The following ASCC3 variants were observed in gnomAD, a reference collection of about 807,000 sequenced individuals.
The protein encoded by ASCC3 is activating signal cointegrator 1 complex subunit 3, also known as ASC-1 complex subunit P200.
A neutral mutation model predicts 256.3 loss-of-function variants in ASCC3; 158 were observed. The observed-to-expected ratio is 0.62, with a 90% CI of 0.54 to 0.70. The LOEUF (loss-of-function observed/expected upper bound fraction) is 0.70. Ranked by LOEUF, ASCC3 falls within the 30% of genes least tolerant of loss-of-function variation. ASCC3 has a pLI of 0.00. For synonymous variants in ASCC3, 948 were observed against 883.4 expected (o/e 1.07, Z -1.30); for missense variants, 2,259 against 2,626.0 (o/e 0.86, Z 3.05).
chr6:100,675,130 GT>G lies in ASCC3; in HGVS notation c.2286+4487del, dbSNP rs562151800. ...CAAAAATGCAATTAAGCAAACAGTT[GT>G]TTTTTTTTTTTTTACAATTTTGTTT... On this transcript the variant is annotated intron_variant, in intron 14 of 41. Coordinates refer to ENST00000369162, the MANE Select transcript of ASCC3 (RefSeq NM_006828.4). 8.6e-3 allele frequency among the ~76,000 whole-genome samples: 1,228 copies of G among 143,620 alleles called. 13 individuals are homozygous for G. Among genetic ancestry groups the G allele is most frequent in the African/African-American group, 0.027 (1,075 of 39,352 alleles). 94.2% of individuals were successfully genotyped at this position (143,620 alleles called of 152,430 possible).
intron 37 of ASCC3, chr6:100,531,107 A>G (rs1297160798): frequency 1.8e-6 from 2 of 1,114,130 alleles, no homozygotes; most frequent in Admixed American, 1.8e-5. Context: ...ACAACAGAAA[A>G]TTGCACAATT....
Position 100,881,297 on chromosome 6 carries a change from A to C in ASCC3, c.-278T>G, listed in dbSNP as rs12530388. On this transcript the variant is annotated 5_prime_UTR_variant, in exon 1 of 42. Transcript: ENST00000369162. Reference sequence around the variant, plus strand: ...ACCATCAGTCAGACAGACAGACGCAAAGACGCACAGACCCGGCGAGGAGGG... The same window carrying C: ...ACCATCAGTCAGACAGACAGACGCACAGACGCACAGACCCGGCGAGGAGGG... The C allele has an allele frequency of 0.5, 76,516 of 152,154 alleles. 19,401 individuals carry two copies. Among genetic ancestry groups the C allele is most frequent in the East Asian group, 0.6 (3,081 of 5,146 alleles). The allele number at this position is 152,154 out of a possible 1,614,324, so 9.4% of individuals were successfully genotyped here. A position where few individuals can be genotyped will look rare whatever the true frequency, so the allele number is the denominator to read the frequency against.
chr6:100,652,998 T>C (rs962876971), intron 17 of ASCC3, 109 bp from the exon 18 acceptor site: 20 of 997,448 alleles, frequency 2.0e-5, no homozygotes, highest in Non-Finnish European at 2.8e-5. Flanking sequence ...TTAGTTAGAC[T>C]TTTTAATTAC....
chr6:100,699,125 T>C (rs1562234748), intron 13 of ASCC3, among the ~76,000 whole-genome samples: 1 of 152,178 alleles, frequency 6.6e-6, no homozygotes, highest in Non-Finnish European at 1.5e-5. Context: ...CACTCTATAA[T>C]GTTTGCACAA....
chr6:100,574,570 A>G (rs149820487), intron 36 of ASCC3, among the ~76,000 whole-genome samples: 2,343 of 152,142 alleles, frequency 0.015, 24 homozygotes, highest in East Asian at 0.045. Context: ...CATTTCTTAA[A>G]TAACTAAAAC....
At chr6:100,613,618 GA>G (rs1562167630) in intron 30 of ASCC3, among the ~76,000 whole-genome samples, 1 of 152,080 alleles carries the variant, frequency 6.6e-6, no homozygotes, top group Non-Finnish European at 1.5e-5. Context: ...CTGCTATTGT[GA>G]ATAGTGCTGC....
intron 37 of ASCC3, among the ~76,000 whole-genome samples, chr6:100,535,594 G>T (rs1358578340): frequency 6.7e-6 from 1 of 150,002 alleles, no homozygotes; most frequent in Non-Finnish European, 1.5e-5. Context: ...TCAGCCTCCC[G>T]AGTAGCTGGG....
In ASCC3 at chr6:100,749,947, T is replaced by C. The variant is rs546903496; in HGVS notation, c.1737+16618A>G. 5.5e-4 allele frequency among the ~76,000 whole-genome samples: 83 copies of C among 151,912 alleles called. 1 individual carries two copies. The highest frequency in any genetic ancestry group is 1.9e-3 in the African/African-American group (77 of 41,528). ...TTCAAAATATAAATTCAAGAGAAAC[T>C]AGGAAGTTACAGAAAATACAGCTCT... On this transcript the variant is annotated intron_variant, in intron 10 of 41. Coordinates refer to ENST00000369162, the MANE Select transcript of ASCC3 (RefSeq NM_006828.4).
intron 24 of ASCC3, among the ~76,000 whole-genome samples, chr6:100,642,002 G>A (rs764067575): frequency 2.0e-5 from 3 of 147,600 alleles, no homozygotes; most frequent in East Asian, 2.0e-4. Context: ...ATCACACACC[G>A]CGGCCTGTTG....
At chr6:100,824,073 A>C (rs1219332061) in intron 4 of ASCC3, among the ~76,000 whole-genome samples, 1 of 152,198 alleles carries the variant, frequency 6.6e-6, no homozygotes, top group Non-Finnish European at 1.5e-5. Flanking sequence ...ATAAATCTAC[A>C]AACTGGGTTA....
At chr6:100,683,811 C>CT (rs34473265) in intron 13 of ASCC3, among the ~76,000 whole-genome samples, 78,426 of 151,820 alleles carry the variant, frequency 0.52, 20,549 homozygotes, top group East Asian at 0.72. Flanking sequence ...ATTTTATATA[C>CT]TATTTTTAGT....
At chr6:100,713,049 T>A (rs1778927312) in intron 13 of ASCC3, among the ~76,000 whole-genome samples, 1 of 152,104 alleles carries the variant, frequency 6.6e-6, no homozygotes, top group African/African-American at 2.4e-5. Flanking sequence ...TGAGCCACCA[T>A]GCCCAGCGCA....
chr6:100,821,190 T>G (rs1226010248), intron 4 of ASCC3, among the ~76,000 whole-genome samples: 1 of 152,114 alleles, frequency 6.6e-6, no homozygotes, highest in Admixed American at 6.5e-5. Flanking sequence ...AGCTAATTAT[T>G]TTTTTTGTGG....
At chr6:100,574,969 G>C (rs1770783247) in intron 36 of ASCC3, among the ~76,000 whole-genome samples, 1 of 151,948 alleles carries the variant, frequency 6.6e-6, no homozygotes, top group Non-Finnish European at 1.5e-5. Context: ...TTTCAAGACA[G>C]TTGCCATCTG....
intron 13 of ASCC3, among the ~76,000 whole-genome samples, chr6:100,706,809 T>C (rs1778609315): frequency 6.6e-6 from 1 of 152,090 alleles, no homozygotes; most frequent in Admixed American, 6.6e-5. Flanking sequence ...AACTTTATTA[T>C]AAAGTTAAAC....
At chr6:100,544,225 CT>C (rs1775598278) in intron 36 of ASCC3, among the ~76,000 whole-genome samples, 4 of 151,982 alleles carry the variant, frequency 2.6e-5, no homozygotes, top group Admixed American at 2.6e-4. Context: ...GAAGAAAGGT[CT>C]CAAATCAGTG....
At chr6:100,708,177 C>T (rs1275675914) in intron 13 of ASCC3, among the ~76,000 whole-genome samples, 1 of 152,086 alleles carries the variant, frequency 6.6e-6, no homozygotes, top group African/African-American at 2.4e-5. Flanking sequence ...TCTCTGATGA[C>T]ATTTAAGGTG....
chr6:100,651,585 T>C lies in ASCC3; in HGVS notation c.3050A>G (p.Lys1017Arg). The change falls in exon 19 of 42, where the codon AAA becomes AGA. Residue 1017 changes from lysine (K) to arginine (R), a missense_variant. Lys to Arg is a conservative substitution (Grantham distance 26). Around this residue, in one of 2 missense-constraint regions of ASCC3, gnomAD observed 1,839 missense variants for 2,206.7 expected, o/e 0.83. Coordinates refer to ENST00000369162, the MANE Select transcript of ASCC3 (RefSeq NM_006828.4). ...CTTAATTTGATCAAATTCTTCAGCT[T>C]TGGAGACTATGGCAAAGATATCACC... ...TEGDIFAIVS[K>R]AEEFDQIKVR... is the part of the protein sequence containing the mutation. 2 of 1,584,652 alleles carry C rather than the reference T, an allele frequency of 1.3e-6. No individual in the cohort carries two copies. Among genetic ancestry groups the C allele is most frequent in the Non-Finnish European group, 1.7e-6 (2 of 1,162,720 alleles).
chr6:100,698,152 G>T (rs1778176758), intron 13 of ASCC3, among the ~76,000 whole-genome samples: 1 of 152,084 alleles, frequency 6.6e-6, no homozygotes, highest in African/African-American at 2.4e-5. Flanking sequence ...GATGTGGGGG[G>T]AAACTAACTC....
Sources: allele counts gnomAD v4.1 joint callset (sites outside exome capture counted in the v4.1 genomes callset), GRCh38; gene constraint gnomAD v4.1.1; regional missense constraint gnomAD v4.1.1; transcripts MANE v1.5; gene names NCBI Gene and HGNC (gene_info 2026-07-23, HGNC 2026-07-21).